Variants in NAA11 observed in about 807,000 individuals in gnomAD.
NAA11 encodes N-alpha-acetyltransferase 11.
NAA11 carries 15 observed loss-of-function variants against 16.1 expected under a neutral mutation model. The observed-to-expected ratio is 0.93, with a 90% confidence interval of 0.62 to 1.44. The LOEUF (loss-of-function observed/expected upper bound fraction) is 1.44, where lower values mean the gene tolerates loss of function less well. Ranked by LOEUF, NAA11 falls within the 40% of genes most tolerant of loss-of-function variation. The pLI, the probability that NAA11 is intolerant of heterozygous loss-of-function variation, is 0.00. For missense variants in NAA11, 298 were observed against 291.3 expected (o/e 1.02, Z -0.17); for synonymous variants, 122 against 112.4 (o/e 1.09, Z -0.54).
chr4:79,288,445 A>G (rs1723000575), intron 2 of NAA11, among the ~76,000 whole-genome samples: 1 of 152,222 alleles, frequency 6.6e-6, no homozygotes. Flanking sequence ...ATATGCTGCA[A>G]CTATTTCTTA....
intron 2 of NAA11, among the ~76,000 whole-genome samples, chr4:79,284,511 G>A (rs899619997): frequency 6.6e-6 from 1 of 152,018 alleles, no homozygotes; most frequent in Admixed American, 6.6e-5. Flanking sequence ...AGTCATCATA[G>A]GTAACAGCCT....
downstream of NAA11, among the ~76,000 whole-genome samples, chr4:79,314,918 A>G (rs1356624774): frequency 6.6e-6 from 1 of 152,088 alleles, no homozygotes; most frequent in Non-Finnish European, 1.5e-5. Flanking sequence ...CACGTTTTTA[A>G]CAAACTCTAT....
chr4:79,305,389 A>G (rs1723546943), intron 1 of NAA11, among the ~76,000 whole-genome samples: 1 of 152,256 alleles, frequency 6.6e-6, no homozygotes, highest in East Asian at 1.9e-4. Context: ...CATGACTGCC[A>G]TGGCAGTATA....
At chr4:79,294,023 TGATGCAGCAAGAAGGCCCTTGCCA>T (rs764140531) in exon 2 of NAA11, 2 of 152,598 alleles carry the variant, frequency 1.3e-5, no homozygotes, top group Non-Finnish European at 2.9e-5. Flanking sequence ...CTTCATGGGA[TGATGCAGCAAGAAGGCCCTTGCCA>T]GATGTCACCA....
At chr4:79,189,264 A>G in the NAA11 span, among the ~76,000 whole-genome samples, 1 of 151,928 alleles carries the variant, frequency 6.6e-6, no homozygotes, top group Non-Finnish European at 1.5e-5. Flanking sequence ...GAAAGGATGC[A>G]GGATGTAGCA....
intron 2 of NAA11, among the ~76,000 whole-genome samples, chr4:79,240,060 G>A (rs1721656973): frequency 6.6e-6 from 1 of 152,158 alleles, no homozygotes. Flanking sequence ...CCATCATAAA[G>A]GGGGAAGGTA....
intron 2 of NAA11, among the ~76,000 whole-genome samples, chr4:79,243,078 A>G (rs1192851734): frequency 6.6e-6 from 1 of 152,194 alleles, no homozygotes; most frequent in Non-Finnish European, 1.5e-5. Context: ...AGTTGGGTCA[A>G]GTTTGAAATT....
chr4:79,323,215 A>C (rs1228599804), intron 1 of NAA11, among the ~76,000 whole-genome samples: 2 of 152,212 alleles, frequency 1.3e-5, no homozygotes, highest in African/African-American at 4.8e-5. Context: ...GACTAGATTA[A>C]GATGTTAAAG....
chr4:79,188,961 G>C, the NAA11 span, among the ~76,000 whole-genome samples: 17 of 151,762 alleles, frequency 1.1e-4, no homozygotes, highest in Non-Finnish European at 1.9e-4. Context: ...GCCGAGCGCA[G>C]TGGCTCACGC....
At chr4:79,166,999 T>C in the NAA11 span, among the ~76,000 whole-genome samples, 2 of 147,200 alleles carry the variant, frequency 1.4e-5, no homozygotes, top group Admixed American at 1.4e-4. Flanking sequence ...GTTTTGTCTC[T>C]TATAGCTAGG....
chr4:79,262,933 C>T (rs1392343990), intron 2 of NAA11, among the ~76,000 whole-genome samples: 2 of 152,020 alleles, frequency 1.3e-5, no homozygotes, highest in African/African-American at 4.8e-5. Context: ...GAAAGAAATA[C>T]AAAACTGTCC....
At chr4:79,274,990 C>A (rs1450196223) in intron 2 of NAA11, among the ~76,000 whole-genome samples, 2 of 152,038 alleles carry the variant, frequency 1.3e-5, no homozygotes, top group Admixed American at 1.3e-4. Flanking sequence ...ACCTATGAAG[C>A]AGGCCAGATC....
chr4:79,178,397 T>C, the NAA11 span, among the ~76,000 whole-genome samples: 6 of 152,220 alleles, frequency 3.9e-5, no homozygotes, highest in African/African-American at 9.6e-5. Context: ...CTAAATCAGT[T>C]ACTGGATATT....
chr4:79,273,415 C>A (rs915095315), intron 2 of NAA11, among the ~76,000 whole-genome samples: 57 of 151,962 alleles, frequency 3.8e-4, no homozygotes, highest in African/African-American at 1.3e-3. Flanking sequence ...GCAGCAGGAA[C>A]ACAGAAAGTT....
chr4:79,202,623 T>TTATAGATATATATATATATATATA, the NAA11 span, among the ~76,000 whole-genome samples: 4 of 52,622 alleles, frequency 7.6e-5, no homozygotes, highest in African/African-American at 1.8e-4. Flanking sequence ...ATATATAGTT[T>TTATAGATATATATATATATATATA]TATATATATA....
intron 1 of NAA11, among the ~76,000 whole-genome samples, chr4:79,302,065 T>C (rs1318025900): frequency 6.6e-6 from 1 of 152,084 alleles, no homozygotes; most frequent in Non-Finnish European, 1.5e-5. Context: ...CATAAATAAT[T>C]TTAAGAAATG....
intron 2 of NAA11, among the ~76,000 whole-genome samples, chr4:79,281,535 A>G (rs1183299455): frequency 6.6e-6 from 1 of 152,098 alleles, no homozygotes; most frequent in African/African-American, 2.4e-5. Context: ...CAAAGCAGAC[A>G]AGTTCTTTGT....
At chr4:79,169,202 T>A in the NAA11 span, among the ~76,000 whole-genome samples, 1 of 152,190 alleles carries the variant, frequency 6.6e-6, no homozygotes, top group African/African-American at 2.4e-5. Context: ...ATAGATTCAA[T>A]GCTATCCCCA....
intron 2 of NAA11, among the ~76,000 whole-genome samples, chr4:79,273,201 T>TA (rs1397657150): frequency 6.6e-6 from 1 of 151,836 alleles, no homozygotes; most frequent in African/African-American, 2.4e-5. Flanking sequence ...TACAAGTACA[T>TA]ATATAGAAGG....
Sources: allele counts gnomAD v4.1 joint callset (sites outside exome capture counted in the v4.1 genomes callset), GRCh38; gene constraint gnomAD v4.1.1; transcripts MANE v1.5; gene names NCBI Gene and HGNC (gene_info 2026-07-23, HGNC 2026-07-21).